CPNE6: variants seen among roughly 807,000 people sequenced by gnomAD.
The protein encoded by CPNE6 is copine-6.
A neutral mutation model predicts 71.5 loss-of-function variants in CPNE6; 33 were observed. The ratio of observed to expected loss-of-function variants is 0.46; its 90% CI spans 0.35 to 0.62. The LOEUF (loss-of-function observed/expected upper bound fraction) is 0.62. Ranked by LOEUF, CPNE6 falls within the 20% of genes least tolerant of loss-of-function variation. The pLI is 0.00. For synonymous variants in CPNE6, 296 were observed against 293.0 expected, an observed-to-expected ratio of 1.01 and a Z score of -0.10; for missense variants, 576 against 747.3, an observed-to-expected ratio of 0.77 and a Z score of 2.67.
Position 24,073,626 on chromosome 14 carries a change from C to T in CPNE6, c.296C>T (p.Thr99Ile), listed in dbSNP as rs751871999. The stretch of plus-strand genomic sequence containing the variant: ...GTGTTCGATGCCGAGGACGGAGCCA[C>T]CAGCCCCCGAAATGATACCTTCCTC... Residue 99 changes from threonine (T) to isoleucine (I), a missense_variant, in exon 4 of 18, where the codon ACC becomes ATC. Physicochemically the swap from Thr to Ile is moderately conservative, Grantham distance 89. This residue lies in a region of CPNE6 where 214 missense variants were observed against 291.2 expected (regional missense o/e 0.73). Transcript: ENST00000397016. This position sits in a 1 kb window ranked among gnomAD's most constrained non-coding sequence, Gnocchi z 5.5. 5.0e-6 allele frequency: 8 copies of T among 1,613,858 alleles called. No individual in the cohort carries two copies. The highest frequency in any genetic ancestry group is 5.1e-6 in the Non-Finnish European group (6 of 1,180,040).
exon 14 of CPNE6, chr14:24,076,537 C>A: frequency 6.2e-7 from 1 of 1,614,112 alleles, no homozygotes. Flanking sequence ...AACTTTGACC[C>A]GGAAAATCCT....
rs1287947109 is a variant in CPNE6 at position 24,075,936 on chromosome 14, A to G, written c.924+50A>G. 6.2e-7 allele frequency: 1 copy of G among 1,602,298 alleles called. No individual in the cohort carries two copies. The highest frequency in any genetic ancestry group is 8.5e-7 in the Non-Finnish European group (1 of 1,169,754). On this transcript the variant is annotated intron_variant, in intron 11 of 17. Coordinates refer to ENST00000397016, the Ensembl canonical transcript of CPNE6. This position sits in a 1 kb window ranked among gnomAD's most constrained non-coding sequence, Gnocchi z 4.3. ...CAGGCAAGAGGGAGGGGCTGAGTCC[A>G]TAGTGAAAGGAAGGAGCCCAGAATC...
At chr14:24,072,678 C>T (rs956639658) in intron 2 of CPNE6, 37 of 370,170 alleles carry the variant, frequency 1.0e-4, no homozygotes, top group Non-Finnish European at 1.7e-4. Context: ...CCACCCCAAT[C>T]CTTCAGCCCT....
chr14:24,071,013 T>G, exon 1 of CPNE6: 1 of 1,535,660 alleles, frequency 6.5e-7, no homozygotes, highest in South Asian at 1.2e-5. Flanking sequence ...GAAGATCACA[T>G]CCTGCTGTAT....
Position 24,074,926 on chromosome 14 carries a change from A to C in CPNE6, c.672+131A>C. The C allele has an allele frequency of 1.3e-6, 1 of 794,242 alleles. No individual in the cohort carries two copies. The highest frequency in any genetic ancestry group is 2.1e-6 in the Non-Finnish European group (1 of 475,986). 49.2% of individuals were successfully genotyped at this position (794,242 alleles called of 1,614,324 possible). Reference sequence around the variant, plus strand: ...ATCACATCCCACTGTGGGATAAATAATAGGTCACAGCTCAATGTTAAACTT... The same window carrying C: ...ATCACATCCCACTGTGGGATAAATACTAGGTCACAGCTCAATGTTAAACTT... On this transcript the variant is annotated intron_variant, in intron 8 of 17. Transcript: ENST00000397016. This position sits in a 1 kb window ranked among gnomAD's most constrained non-coding sequence, Gnocchi z 4.5.
chr14:24,072,728 G>A, intron 2 of CPNE6: 1 of 427,144 alleles, frequency 2.3e-6, no homozygotes. Flanking sequence ...AGCAGCACAG[G>A]GCTTCTGAGC....
Position 24,073,561 on chromosome 14 carries a change from T to C in CPNE6, c.231T>C (p.Leu77=). The C allele has an allele frequency of 6.2e-7, 1 of 1,614,010 alleles. No homozygotes were observed. The highest frequency in any genetic ancestry group is 1.7e-4 in the Middle Eastern group (1 of 5,942). ...CTGTCTTCTCCCGGGTGCTGGCCCT[T>C]GAGTATTTTTTTGAGGAGAAGCAGC... Residue 77 remains leucine, a synonymous_variant, in exon 4 of 18, where the codon CTT becomes CTC. Coordinates refer to ENST00000397016, the Ensembl canonical transcript of CPNE6. This position sits in a 1 kb window ranked among gnomAD's most constrained non-coding sequence, Gnocchi z 5.5.
At position 24,073,904 on chromosome 14, in the gene CPNE6, G is replaced by T; in HGVS notation, c.349-147G>T. ...AGTGGTCAGAGTGCTTCCCTCTTCA[G>T]ACTATTGTAAAAATTGAGCCCAACC... On this transcript the variant is annotated intron_variant, in intron 4 of 17. Coordinates refer to ENST00000397016, the Ensembl canonical transcript of CPNE6. This position sits in a 1 kb window ranked among gnomAD's most constrained non-coding sequence, Gnocchi z 5.5. 1 of 847,562 alleles carries T rather than the reference G, an allele frequency of 1.2e-6. No individual in the cohort carries two copies. Among genetic ancestry groups the T allele is most frequent in the Non-Finnish European group, 1.9e-6 (1 of 519,452 alleles). 52.5% of individuals were successfully genotyped at this position (847,562 alleles called of 1,614,324 possible).
intron 2 of CPNE6, 124 bp downstream of exon 1, chr14:24,071,765 G>A (rs2035910658): frequency 3.6e-6 from 2 of 559,726 alleles, no homozygotes; most frequent in Admixed American, 3.2e-5. Flanking sequence ...ACCACCACAA[G>A]CCCCTGCCTA....
chr14:24,076,450 G>C (rs760730296), intron 13 of CPNE6, 36 bp downstream of exon 12: 3 of 1,614,100 alleles, frequency 1.9e-6, no homozygotes, highest in Admixed American at 1.7e-5. Context: ...GAGATGGGGG[G>C]CGTGTCAGTC....
intron 2 of CPNE6, chr14:24,072,654 T>A: frequency 3.0e-6 from 1 of 328,546 alleles, no homozygotes; most frequent in South Asian, 1.5e-4. Context: ...GAGCCAAGAC[T>A]GCCAGGAACA....
At chr14:24,076,157 T>C (rs2070342) in exon 12 of CPNE6, 622,617 of 1,612,764 alleles carry the variant, frequency 0.39, 124,400 homozygotes, top group African/African-American at 0.57. Flanking sequence ...AGGTGGCCAT[T>C]GACTTCACCG....
At position 24,077,609 on chromosome 14, in the gene CPNE6, T is replaced by C. The variant is rs758916174; in HGVS notation, c.1553T>C (p.Leu518Pro). 1 of 1,585,578 alleles carries C rather than the reference T, an allele frequency of 6.3e-7. No homozygotes were observed. Among genetic ancestry groups the C allele is most frequent in the Non-Finnish European group, 8.6e-7 (1 of 1,164,712 alleles). ...CCACCCTAGGCTGCCCCCTCTGCAC[T>C]CGCCAAGTGTGTCCTGGCTGAGGTG... The change falls in exon 17 of 18, where the codon CTC becomes CCC. Residue 518 changes from leucine (L) to proline (P), a missense_variant. Leu to Pro is a moderately conservative substitution (Grantham distance 98, BLOSUM62 -3). Around this residue, in one of 4 missense-constraint regions of CPNE6, gnomAD observed 264 missense variants for 339.9 expected, o/e 0.78. Coordinates refer to ENST00000397016, the Ensembl canonical transcript of CPNE6. This position sits in a 1 kb window ranked among gnomAD's most constrained non-coding sequence, Gnocchi z 6.1.
chr14:24,071,446 T>G, intron 1 of CPNE6, 116 bp from the exon 1 acceptor site: 1 of 1,499,118 alleles, frequency 6.7e-7, no homozygotes, highest in Non-Finnish European at 8.9e-7. Flanking sequence ...GCTGTGGCCC[T>G]GCCCCTTCCC....
chr14:24,077,841 G>T lies in CPNE6; in HGVS notation c.*38-47G>T. Reference sequence around the variant, plus strand: ...GGCTTGGTAGAGCCCAACTAGGCTGGGTGTAGTGTAGAAGAGAGTGCTTAT... The same window carrying T: ...GGCTTGGTAGAGCCCAACTAGGCTGTGTGTAGTGTAGAAGAGAGTGCTTAT... On this transcript the variant is annotated intron_variant, in intron 17 of 17. Transcript: ENST00000397016. This position sits in a 1 kb window ranked among gnomAD's most constrained non-coding sequence, Gnocchi z 6.1. The T allele has an allele frequency of 1.6e-6, 2 of 1,247,586 alleles. No individual in the cohort carries two copies. The highest frequency in any genetic ancestry group is 2.1e-6 in the Non-Finnish European group (2 of 937,462). The allele number at this position is 1,247,586 out of a possible 1,614,324, so 77.3% of individuals were successfully genotyped here. A position where few individuals can be genotyped will look rare whatever the true frequency, so the allele number is the denominator to read the frequency against.
At chr14:24,071,241 G>A in intron 1 of CPNE6, 1 of 1,084,568 alleles carries the variant, frequency 9.2e-7, no homozygotes, top group Non-Finnish European at 1.3e-6. Context: ...GAGCCTGTGA[G>A]TCGTGGGTGC....
intron 14 of CPNE6, 126 bp from the exon 14 acceptor site, chr14:24,076,753 A>T: frequency 6.6e-7 from 1 of 1,513,400 alleles, no homozygotes; most frequent in Non-Finnish European, 9.1e-7. Flanking sequence ...CAACTCTCCC[A>T]CTGCTTAATG....
chr14:24,076,939 C>T, exon 15 of CPNE6: 1 of 1,613,318 alleles, frequency 6.2e-7, no homozygotes, highest in Non-Finnish European at 8.5e-7. Flanking sequence ...CTCTACGGCC[C>T]CACCAATGTG....
At chr14:24,071,631 C>T (rs1450793956) in exon 2 of CPNE6, 9 of 1,095,902 alleles carry the variant, frequency 8.2e-6, no homozygotes, top group Admixed American at 7.9e-5. Context: ...AGCCCCCGAC[C>T]GAGAGCCCAG....
Sources: allele counts gnomAD v4.1 joint callset, GRCh38; gene constraint gnomAD v4.1.1; regional missense constraint gnomAD v4.1.1; non-coding constraint Gnocchi (gnomAD v3.1); transcripts MANE v1.5; gene names NCBI Gene and HGNC (gene_info 2026-07-23, HGNC 2026-07-21).